Variants in RPH3A observed in about 807,000 individuals in gnomAD.
RPH3A encodes rabphilin 3A.
A neutral mutation model predicts 102.2 loss-of-function variants in RPH3A; 48 were observed. The observed-to-expected ratio is 0.47, with a 90% CI of 0.37 to 0.60. The LOEUF is 0.60. RPH3A is among the 20% of genes least tolerant of loss of function. The pLI is 0.00. For synonymous variants in RPH3A, 310 were observed against 324.3 expected, an observed-to-expected ratio of 0.96 and a Z score of 0.47; for missense variants, 781 against 910.1, an observed-to-expected ratio of 0.86 and a Z score of 1.83.
chr12:112,617,397 G>A (rs897453375), intron 1 of RPH3A, among the ~76,000 whole-genome samples: 1 of 152,192 alleles, frequency 6.6e-6, no homozygotes, highest in Non-Finnish European at 1.5e-5. Flanking sequence ...GGATGAGCTT[G>A]GACAAAGGCT....
In RPH3A at chr12:112,764,467, T is replaced by C. The variant is rs531590917; in HGVS notation, c.-139-27676T>C. 4.1e-4 allele frequency among the ~76,000 whole-genome samples: 62 copies of C among 152,312 alleles called. 4 individuals carry two copies. In the South Asian group the frequency reaches 0.011, roughly 28 times the overall value. On this transcript the variant is annotated intron_variant, in intron 1 of 21. Coordinates refer to the RPH3A transcript ENST00000543106. ...GACCTTTGAAGGTATAAGACTCAGT[T>C]AATCTTTCCTAGATCCTGACTAGGG...
At chr12:112,749,750 G>A (rs1416846564) in intron 1 of RPH3A, among the ~76,000 whole-genome samples, 19 of 152,330 alleles carry the variant, frequency 1.2e-4, no homozygotes, top group Middle Eastern at 3.4e-3. Flanking sequence ...AAACATTAAT[G>A]TCTGCCTTCT....
intron 1 of RPH3A, among the ~76,000 whole-genome samples, chr12:112,740,442 C>T (rs760628321): frequency 4.6e-5 from 7 of 152,112 alleles, no homozygotes; most frequent in Non-Finnish European, 1.0e-4. Flanking sequence ...GTGACTAAGC[C>T]TGGGAACTTA....
At chr12:112,685,622 C>T (rs1370369530) in intron 1 of RPH3A, among the ~76,000 whole-genome samples, 1 of 152,088 alleles carries the variant, frequency 6.6e-6, no homozygotes, top group Non-Finnish European at 1.5e-5. Flanking sequence ...TGGGTGTTTC[C>T]CAGGACACAT....
chr12:112,721,472 A>G (rs1009212132), intron 1 of RPH3A, among the ~76,000 whole-genome samples: 1 of 152,196 alleles, frequency 6.6e-6, no homozygotes, highest in Non-Finnish European at 1.5e-5. Flanking sequence ...GGAGGGCCAG[A>G]TTGTGAATAT....
intron 1 of RPH3A, among the ~76,000 whole-genome samples, chr12:112,693,908 G>A (rs1382197667): frequency 6.6e-6 from 1 of 152,196 alleles, no homozygotes; most frequent in African/African-American, 2.4e-5. Flanking sequence ...TCTCCATTGT[G>A]CCTTGCACTG....
At chr12:112,575,643 C>A (rs891885927) in intron 1 of RPH3A, among the ~76,000 whole-genome samples, 1 of 152,058 alleles carries the variant, frequency 6.6e-6, no homozygotes, top group Non-Finnish European at 1.5e-5. Flanking sequence ...GAAGGTAGCT[C>A]CTCTCCGGTA....
Position 112,891,017 on chromosome 12 carries a change from T to G in RPH3A, c.1775+14T>G. 2.5e-6 allele frequency: 4 copies of G among 1,613,950 alleles called. No homozygotes were observed. On this transcript the variant is annotated intron_variant, in intron 19 of 21. Coordinates refer to ENST00000389385, the MANE Select transcript of RPH3A (RefSeq NM_001143854.2). ...ATTCGTCAAGCTGTAAGTCAATGCC[T>G]TGGGGCTACAGGTGGGCCCTGAAGG...
chr12:112,819,396 C>T (rs944430102), intron 2 of RPH3A, among the ~76,000 whole-genome samples: 6 of 152,112 alleles, frequency 3.9e-5, no homozygotes, highest in Admixed American at 1.3e-4. Flanking sequence ...TGTGAGCCAC[C>T]GTGCCTGATT....
chr12:112,718,978 T>A (rs2040532808), intron 1 of RPH3A, among the ~76,000 whole-genome samples: 1 of 152,226 alleles, frequency 6.6e-6, no homozygotes, highest in Non-Finnish European at 1.5e-5. Flanking sequence ...TGGTAAGGCT[T>A]CATCTTGGAG....
At chr12:112,822,600 CAG>C (rs1207130747) in intron 2 of RPH3A, among the ~76,000 whole-genome samples, 5 of 151,646 alleles carry the variant, frequency 3.3e-5, no homozygotes, top group African/African-American at 1.2e-4. Flanking sequence ...GGGGTTAGGA[CAG>C]AGTCTTTGTA....
chr12:112,605,146 G>A, intron 1 of RPH3A, among the ~76,000 whole-genome samples: 1 of 152,068 alleles, frequency 6.6e-6, no homozygotes, highest in East Asian at 1.9e-4. Context: ...AGACCAAGGT[G>A]GGCAGATCAC....
At chr12:112,887,996 T>C (rs1023571824) in intron 17 of RPH3A, 73 bp downstream of exon 17, 38 of 1,551,122 alleles carry the variant, frequency 2.4e-5, no homozygotes, top group Non-Finnish European at 2.7e-5. Context: ...TGGGTCTGAA[T>C]TGGGGGAAAT....
At chr12:112,646,636 A>G (rs2039933151) in intron 1 of RPH3A, among the ~76,000 whole-genome samples, 1 of 152,150 alleles carries the variant, frequency 6.6e-6, no homozygotes, top group South Asian at 2.1e-4. Context: ...GTGCACAGTG[A>G]GGTTGGACAG....
rs1456918718 is a variant in RPH3A, at chr12:112,592,858, A to AGG, written c.-140+17542_-140+17543dup. Among the ~76,000 whole-genome samples the AGG allele has an allele frequency of 3.3e-5, 5 of 152,180 alleles. No homozygotes were observed. In the East Asian group the frequency reaches 9.6e-4, roughly 29 times the overall value. Reference sequence around the variant, plus strand: ...TTCCTGTCAATGGGCTATGAGCAGAAGGGGCATACATCACCCCCAGGCCTA... The same window carrying AGG: ...TTCCTGTCAATGGGCTATGAGCAGAAGGGGGGCATACATCACCCCCAGGCCTA... On this transcript the variant is annotated intron_variant, in intron 1 of 21. Transcript: ENST00000543106.
chr12:112,884,129 A>T (rs2042968580), intron 16 of RPH3A, among the ~76,000 whole-genome samples: 1 of 152,176 alleles, frequency 6.6e-6, no homozygotes, highest in African/African-American at 2.4e-5. Flanking sequence ...CACAGAATGG[A>T]TTTATCACAG....
intron 1 of RPH3A, among the ~76,000 whole-genome samples, chr12:112,670,471 A>G (rs1400051892): frequency 1.3e-5 from 2 of 152,190 alleles, no homozygotes; most frequent in Non-Finnish European, 2.9e-5. Context: ...CACACAAAAT[A>G]AGAGGGTATA....
intron 19 of RPH3A, among the ~76,000 whole-genome samples, chr12:112,892,504 A>C (rs530209646): frequency 6.6e-6 from 1 of 152,352 alleles, no homozygotes; most frequent in African/African-American, 2.4e-5. Context: ...CCTTGAGCAC[A>C]GTCACCCATC....
At chr12:112,824,481 G>A (rs1489706783) in intron 2 of RPH3A, among the ~76,000 whole-genome samples, 1 of 152,058 alleles carries the variant, frequency 6.6e-6, no homozygotes, top group Admixed American at 6.6e-5. Context: ...CTATTAGGGT[G>A]CCTCCCCCCA....
Sources: allele counts gnomAD v4.1 joint callset (sites outside exome capture counted in the v4.1 genomes callset), GRCh38; gene constraint gnomAD v4.1.1; transcripts MANE v1.5; gene names NCBI Gene and HGNC (gene_info 2026-07-23, HGNC 2026-07-21).